Variants in ITPR2 observed in about 807,000 individuals in gnomAD.
ITPR2 encodes inositol 1,4,5-trisphosphate receptor type 2, also known as inositol 1,4,5-trisphosphate-gated calcium channel ITPR2.
ITPR2 carries 207 observed loss-of-function variants against 317.1 expected under a neutral mutation model. The observed-to-expected ratio is 0.65, with a 90% CI of 0.58 to 0.73. The LOEUF is 0.73. ITPR2 is among the 30% of genes least tolerant of loss of function. The pLI is 0.00. For missense variants in ITPR2, 2,613 were observed against 3,284.0 expected, an observed-to-expected ratio of 0.80 and a Z score of 4.99; for synonymous variants, 1,156 against 1,149.1, an observed-to-expected ratio of 1.01 and a Z score of -0.12.
At chr12:26,559,262 T>C (rs557947325) in intron 35 of ITPR2, among the ~76,000 whole-genome samples, 3 of 152,326 alleles carry the variant, frequency 2.0e-5, no homozygotes, top group South Asian at 4.1e-4. Context: ...TCATCACACA[T>C]AGAATACAAT....
At chr12:26,358,875 G>T (rs948475575) in intron 55 of ITPR2, among the ~76,000 whole-genome samples, 4 of 152,196 alleles carry the variant, frequency 2.6e-5, no homozygotes, top group African/African-American at 9.6e-5. Context: ...TCCCACCAGG[G>T]GTTGGCTCCT....
At chr12:26,808,893 C>A (rs1174436207) in intron 1 of ITPR2, among the ~76,000 whole-genome samples, 2 of 152,220 alleles carry the variant, frequency 1.3e-5, no homozygotes, top group African/African-American at 4.8e-5. Flanking sequence ...ATACTACACG[C>A]CTTTACAATA....
chr12:26,803,528 T>C (rs1325282671), intron 1 of ITPR2, among the ~76,000 whole-genome samples: 1 of 152,224 alleles, frequency 6.6e-6, no homozygotes, highest in Non-Finnish European at 1.5e-5. Context: ...GCTCATACCC[T>C]CAGCAAACCA....
chr12:26,444,529 C>T (rs1941563459), intron 45 of ITPR2, among the ~76,000 whole-genome samples: 2 of 152,092 alleles, frequency 1.3e-5, no homozygotes, highest in African/African-American at 4.8e-5. Flanking sequence ...AGTACATGAT[C>T]TTATTTGAAT....
chr12:26,663,727 G>A lies in ITPR2; in HGVS notation c.1671C>T (p.Tyr557=), dbSNP rs61732724. The A allele has an allele frequency of 2.8e-3, 4,483 of 1,613,522 alleles. 106 individuals carry two copies. In the African/African-American group the frequency reaches 0.051, roughly 18 times the overall value. The change falls in exon 15 of 57, where the codon TAC becomes TAT. Residue 557 remains tyrosine, a synonymous_variant. Transcript: ENST00000381340. Reference sequence around the variant, plus strand: ...CCTGCTGCGAGTGTCTCAGGACGCGGTAACAGAGCCGCAGCATGTACTTGT... The same window carrying A: ...CCTGCTGCGAGTGTCTCAGGACGCGATAACAGAGCCGCAGCATGTACTTGT... ...APYKYMLRLC[Y]RVLRHSQQDY... is the part of the protein sequence containing the mutation.
chr12:26,569,600 C>T (rs1591913183), intron 34 of ITPR2, among the ~76,000 whole-genome samples: 1 of 150,066 alleles, frequency 6.7e-6, no homozygotes, highest in South Asian at 2.1e-4. Context: ...AAAATTGTTA[C>T]TTATAGGCAA....
At chr12:26,765,548 T>A (rs990016990) in intron 2 of ITPR2, among the ~76,000 whole-genome samples, 2 of 152,148 alleles carry the variant, frequency 1.3e-5, no homozygotes, top group African/African-American at 2.4e-5. Context: ...TGTAATAACA[T>A]ACAACAGTTG....
chr12:26,689,135 G>A (rs1948185623), intron 10 of ITPR2, among the ~76,000 whole-genome samples: 1 of 152,104 alleles, frequency 6.6e-6, no homozygotes, highest in Non-Finnish European at 1.5e-5. Context: ...ATGAAAAAGA[G>A]GCCAGGCACA....
chr12:26,789,824 A>G (rs1045782732), intron 2 of ITPR2, among the ~76,000 whole-genome samples: 1 of 152,252 alleles, frequency 6.6e-6, no homozygotes, highest in Non-Finnish European at 1.5e-5. Context: ...ATGCAACACT[A>G]TAACATTTAT....
At chr12:26,728,962 A>G (rs1349314624) in intron 2 of ITPR2, among the ~76,000 whole-genome samples, 1 of 152,224 alleles carries the variant, frequency 6.6e-6, no homozygotes, top group Non-Finnish European at 1.5e-5. Context: ...TTGGATGCAT[A>G]GTTTGCAAAA....
intron 45 of ITPR2, among the ~76,000 whole-genome samples, chr12:26,463,918 C>T (rs1327763912): frequency 6.6e-6 from 1 of 152,130 alleles, no homozygotes; most frequent in Non-Finnish European, 1.5e-5. Context: ...ACACGCACAG[C>T]ACGCTAAATA....
rs999051345 is a variant in ITPR2, at chr12:26,337,316, C to A, written c.*2081G>T. Reference sequence around the variant, plus strand: ...TATACAAATGAATTTATTCTCTTGACCTCTAGTTCAGATGTCAGAAATATT... The same window carrying A: ...TATACAAATGAATTTATTCTCTTGAACTCTAGTTCAGATGTCAGAAATATT... On this transcript the variant is annotated 3_prime_UTR_variant, in exon 57 of 57. Coordinates refer to ENST00000381340, the MANE Select transcript of ITPR2 (RefSeq NM_002223.4). 1 of 152,136 alleles carries A rather than the reference C, an allele frequency of 6.6e-6. No homozygotes were observed. The highest frequency in any genetic ancestry group is 1.9e-4 in the East Asian group (1 of 5,204). 9.4% of individuals were successfully genotyped at this position (152,136 alleles called of 1,614,324 possible). A position where few individuals can be genotyped will look rare whatever the true frequency, so the allele number is the denominator to read the frequency against.
rs773915098 is a variant in ITPR2 at position 26,715,788 on chromosome 12, C to T, written c.672G>A (p.Met224Ile). ...CNTSWKITLF[M>I]KYSSYREDVL... ...CATCCTCTCGATAGGAACTATATTT[C>T]ATGAATAAAGTGATTTTCCAGCTGG... is the stretch of plus-strand genomic sequence containing the variant. Residue 224 changes from methionine (M) to isoleucine (I), a missense_variant, in exon 7 of 57, where the codon ATG (methionine) becomes ATA (isoleucine). Physicochemically the swap from Met to Ile is conservative, Grantham distance 10 (BLOSUM62 1). This residue lies in a region of ITPR2 where 515 missense variants were observed against 789.4 expected (regional missense o/e 0.65). Transcript: ENST00000381340. 4 of 1,609,814 alleles carry T rather than the reference C, an allele frequency of 2.5e-6. No homozygotes were observed. In the Admixed American group the frequency reaches 6.7e-5, roughly 27 times the overall value.
intron 49 of ITPR2, among the ~76,000 whole-genome samples, chr12:26,425,231 A>G (rs1941022041): frequency 6.6e-6 from 1 of 152,176 alleles, no homozygotes; most frequent in South Asian, 2.1e-4. Flanking sequence ...GGCATGACAT[A>G]GCATCCAACC....
intron 37 of ITPR2, among the ~76,000 whole-genome samples, chr12:26,531,308 A>G (rs546391319): frequency 1.3e-4 from 20 of 152,388 alleles, no homozygotes; most frequent in African/African-American, 4.6e-4. Context: ...AGCAGTGAAC[A>G]GTAAAATCAG....
At chr12:26,637,329 A>G (rs926310809) in intron 21 of ITPR2, among the ~76,000 whole-genome samples, 4 of 152,206 alleles carry the variant, frequency 2.6e-5, no homozygotes, top group Non-Finnish European at 5.9e-5. Context: ...CAAGACAGAT[A>G]TGATGGTAGT....
At chr12:26,786,406 C>T (rs1950245480) in intron 2 of ITPR2, among the ~76,000 whole-genome samples, 1 of 126,412 alleles carries the variant, frequency 7.9e-6, no homozygotes, top group Admixed American at 8.4e-5. Flanking sequence ...GTCCTATGAC[C>T]CTGCCAAATC....
intron 1 of ITPR2, among the ~76,000 whole-genome samples, chr12:26,797,826 G>A (rs1950480046): frequency 6.6e-6 from 1 of 150,990 alleles, no homozygotes; most frequent in Non-Finnish European, 1.5e-5. Flanking sequence ...CGAGTAGCTG[G>A]GATTACAGGT....
intron 34 of ITPR2, among the ~76,000 whole-genome samples, chr12:26,571,606 G>A (rs1216519309): frequency 6.6e-6 from 1 of 152,250 alleles, no homozygotes; most frequent in Non-Finnish European, 1.5e-5. Flanking sequence ...GCAGAGATTT[G>A]TGATAGGAGA....
Sources: allele counts gnomAD v4.1 joint callset (sites outside exome capture counted in the v4.1 genomes callset), GRCh38; gene constraint gnomAD v4.1.1; regional missense constraint gnomAD v4.1.1; transcripts MANE v1.5; gene names NCBI Gene and HGNC (gene_info 2026-07-23, HGNC 2026-07-21).